Variants in CNTNAP4 observed in about 807,000 individuals in gnomAD.
CNTNAP4 encodes contactin associated protein family member 4.
CNTNAP4 carries 98 observed loss-of-function variants against 148.4 expected under a neutral mutation model. The ratio of observed to expected loss-of-function variants is 0.66; its 90% CI spans 0.56 to 0.78. CNTNAP4 has a LOEUF of 0.78. Ranked by LOEUF, CNTNAP4 falls within the 30% of genes least tolerant of loss-of-function variation. The pLI is 0.00. For synonymous variants in CNTNAP4, 730 were observed against 565.1 expected (o/e 1.29, Z -4.14); for missense variants, 1,935 against 1,565.6 (o/e 1.24, Z -3.98).
chr16:76,345,136 T>C (rs1964798085), intron 2 of CNTNAP4, among the ~76,000 whole-genome samples: 1 of 152,206 alleles, frequency 6.6e-6, no homozygotes, highest in Non-Finnish European at 1.5e-5. Flanking sequence ...TTGTTGGCTA[T>C]TCAGAGTTCC....
chr16:76,489,548 G>C (rs530213345), intron 12 of CNTNAP4, 138 bp from the exon 13 acceptor site: 147 of 444,456 alleles, frequency 3.3e-4, no homozygotes, highest in Non-Finnish European at 2.9e-4. Context: ...CATTTGTGTT[G>C]ATTCTACCTC....
chr16:76,357,462 T>C (rs1267477673), intron 3 of CNTNAP4, among the ~76,000 whole-genome samples: 1 of 152,222 alleles, frequency 6.6e-6, no homozygotes, highest in Non-Finnish European at 1.5e-5. Flanking sequence ...ATGAATGATA[T>C]CCTTACTAGT....
rs114794926 is a variant in CNTNAP4, at chr16:76,320,123, G to T, written c.196+3600G>T. 4.8e-3 allele frequency among the ~76,000 whole-genome samples: 724 copies of T among 152,290 alleles called. 1 individual carries two copies. Among genetic ancestry groups the T allele is most frequent in the African/African-American group, 0.016 (650 of 41,552 alleles). Reference sequence around the variant, plus strand: ...AATACAAAGGTTTAAAGTGTATCTGGCAAGGGTTCAGAAAGAAAAGAGGGT... The same window carrying T: ...AATACAAAGGTTTAAAGTGTATCTGTCAAGGGTTCAGAAAGAAAAGAGGGT... On this transcript the variant is annotated intron_variant, in intron 2 of 23. Coordinates refer to ENST00000611870, the MANE Select transcript of CNTNAP4 (RefSeq NM_033401.5).
chr16:76,288,152 A>G (rs1396251429), intron 1 of CNTNAP4, among the ~76,000 whole-genome samples: 2 of 151,890 alleles, frequency 1.3e-5, no homozygotes, highest in African/African-American at 4.8e-5. Flanking sequence ...ATCTCGTGAG[A>G]TATGATGGTT....
rs548611066 is a variant in CNTNAP4 at position 76,541,935 on chromosome 16, T to C, written c.3442+1145T>C. On this transcript the variant is annotated intron_variant, in intron 21 of 23. Coordinates refer to ENST00000611870, the MANE Select transcript of CNTNAP4 (RefSeq NM_033401.5). ...AAATTCCAAGGGAGTCTCACAGTGT[T>C]ATTATATAAATCCAGCTATTTAAGA... is the stretch of plus-strand genomic sequence containing the variant. Among the ~76,000 whole-genome samples, 7 of 152,340 alleles carry C rather than the reference T, an allele frequency of 4.6e-5. No homozygotes were observed. In the South Asian group the frequency reaches 1.4e-3, roughly 32 times the overall value.
chr16:76,557,502 G>C (rs1467708598), intron 23 of CNTNAP4: 3 of 152,162 alleles, frequency 2.0e-5, no homozygotes, highest in African/African-American at 7.2e-5. Flanking sequence ...ATGTTAGAAA[G>C]TCTTGCAGTC....
At chr16:76,430,512 T>C (rs1301447105) in intron 4 of CNTNAP4, among the ~76,000 whole-genome samples, 1 of 152,146 alleles carries the variant, frequency 6.6e-6, no homozygotes, top group African/African-American at 2.4e-5. Context: ...CAAAAGACTG[T>C]TCTCCCGAAA....
chr16:76,370,494 G>A lies in CNTNAP4; in HGVS notation c.390+14983G>A, dbSNP rs191005106. On this transcript the variant is annotated intron_variant, in intron 3 of 23. Transcript: ENST00000611870. ...GCCTGAGGCAGAGCAAAAGTGGGAA[G>A]AAATACCCTGGTTCCTCCCTTCCTT... 9.1e-3 allele frequency among the ~76,000 whole-genome samples: 1,379 copies of A among 152,258 alleles called. 29 individuals are homozygous for A. Among genetic ancestry groups the A allele is most frequent in the African/African-American group, 0.032 (1,311 of 41,550 alleles).
In CNTNAP4 at chr16:76,391,912, G is replaced by A. The variant is rs190548381; in HGVS notation, c.391-35540G>A. On this transcript the variant is annotated intron_variant, in intron 3 of 23. Coordinates refer to ENST00000611870, the MANE Select transcript of CNTNAP4 (RefSeq NM_033401.5). ...CAAGTTTGAATTGCTCTGTTCCACA[G>A]GACTTAGCTTGTATTTTCAGTGTCA... 4.3e-4 allele frequency among the ~76,000 whole-genome samples: 66 copies of A among 152,256 alleles called. No individual in the cohort carries two copies. The East Asian group carries it at 0.01, about 24-fold the overall frequency.
rs541971910 is a variant in CNTNAP4, at chr16:76,512,887, C to G, written c.2366-8253C>G. Among the ~76,000 whole-genome samples, 14 of 152,226 alleles carry G rather than the reference C, an allele frequency of 9.2e-5. 1 individual carries two copies. The South Asian group carries it at 2.7e-3, about 29-fold the overall frequency. The stretch of plus-strand genomic sequence containing the variant: ...AATCAACTGTGTTAAATGTTGTTAG[C>G]TTAAGTAAGATAAAACTGAGAACTG... On this transcript the variant is annotated intron_variant, in intron 15 of 23. Coordinates refer to ENST00000611870, the MANE Select transcript of CNTNAP4 (RefSeq NM_033401.5).
At chr16:76,330,151 G>C (rs901470846) in intron 2 of CNTNAP4, among the ~76,000 whole-genome samples, 19 of 152,104 alleles carry the variant, frequency 1.2e-4, no homozygotes, top group African/African-American at 4.6e-4. Flanking sequence ...CAAACCAGCT[G>C]CTGCTTGTAA....
At chr16:76,351,114 C>T (rs984993353) in intron 2 of CNTNAP4, among the ~76,000 whole-genome samples, 1 of 152,026 alleles carries the variant, frequency 6.6e-6, no homozygotes, top group Admixed American at 6.6e-5. Flanking sequence ...ACTAAAATCA[C>T]GAGGTCAAAT....
At chr16:76,347,877 G>A (rs900414798) in intron 2 of CNTNAP4, among the ~76,000 whole-genome samples, 1 of 152,126 alleles carries the variant, frequency 6.6e-6, no homozygotes, top group African/African-American at 2.4e-5. Flanking sequence ...GGACATTGCA[G>A]GTGGCATAGT....
chr16:76,364,706 A>G (rs1467968371), intron 3 of CNTNAP4, among the ~76,000 whole-genome samples: 3 of 152,176 alleles, frequency 2.0e-5, no homozygotes, highest in Non-Finnish European at 4.4e-5. Context: ...CTTAGGACCT[A>G]GACAAAACTA....
intron 1 of CNTNAP4, among the ~76,000 whole-genome samples, chr16:76,309,039 CAAG>C (rs1173721331): frequency 6.6e-6 from 1 of 151,630 alleles, no homozygotes; most frequent in Non-Finnish European, 1.5e-5. Context: ...CTCCTGGCCT[CAAG>C]AGATCTTCCC....
intron 7 of CNTNAP4, among the ~76,000 whole-genome samples, chr16:76,451,158 C>T (rs114766672): frequency 1.2e-4 from 19 of 152,284 alleles, no homozygotes; most frequent in African/African-American, 2.9e-4. Context: ...CAGACTGGAA[C>T]AAACCAGCCG....
chr16:76,528,885 C>A (rs1005154964), intron 17 of CNTNAP4, among the ~76,000 whole-genome samples: 4 of 152,170 alleles, frequency 2.6e-5, no homozygotes, highest in African/African-American at 9.7e-5. Context: ...ATCACCCGAG[C>A]AATACAGATC....
chr16:76,401,828 A>T (rs935626839), intron 3 of CNTNAP4, among the ~76,000 whole-genome samples: 1 of 152,174 alleles, frequency 6.6e-6, no homozygotes. Flanking sequence ...AGTTCTGTTT[A>T]TGCGATGAAT....
At chr16:76,376,930 TG>T (rs1231977589) in intron 3 of CNTNAP4, among the ~76,000 whole-genome samples, 2 of 151,360 alleles carry the variant, frequency 1.3e-5, no homozygotes, top group African/African-American at 4.8e-5. Context: ...TGTGTGTGTG[TG>T]TGTGTGTGTG....
Sources: gnomAD v4.1 joint callset for allele counts (sites outside exome capture counted in the v4.1 genomes callset) on GRCh38, gnomAD v4.1.1 for gene constraint, MANE v1.5 for transcripts, NCBI Gene and HGNC (gene_info 2026-07-23, HGNC 2026-07-21) for gene names.